The following RFX2 variants were observed in gnomAD, a reference collection of about 807,000 sequenced individuals.
RFX2 encodes regulatory factor X2.
In RFX2, 20 loss-of-function variants were observed where a neutral mutation model predicts 87.8. That is an observed-to-expected ratio of 0.23 (90% CI 0.16 to 0.33). The LOEUF (loss-of-function observed/expected upper bound fraction) is 0.33. RFX2 is among the 10% of genes least tolerant of loss of function. The pLI, the probability that RFX2 is intolerant of heterozygous loss-of-function variation, is 1.00. For synonymous variants in RFX2, 397 were observed against 431.3 expected (o/e 0.92, Z 0.98); for missense variants, 767 against 1,012.3 (o/e 0.76, Z 3.29).
chr19:6,016,763 A>C lies in RFX2; in HGVS notation c.598-492T>G, dbSNP rs545517296. ...ATGAATCCCTCATTTTCTTTTGCTT[A>C]TTGATTCTTTCATGTTTAGCCTGGT... On this transcript the variant is annotated intron_variant, in intron 6 of 17. Transcript: ENST00000303657. This position sits in a 1 kb window ranked among gnomAD's most constrained non-coding sequence, Gnocchi z 5.4. 6.6e-6 allele frequency among the ~76,000 whole-genome samples: 1 copy of C among 152,270 alleles called. No homozygotes were observed. The highest frequency in any genetic ancestry group is 2.1e-4 in the South Asian group (1 of 4,826).
At chr19:6,094,948 G>A (rs2087999876) in intron 1 of RFX2, among the ~76,000 whole-genome samples, 1 of 152,090 alleles carries the variant, frequency 6.6e-6, no homozygotes, top group Non-Finnish European at 1.5e-5. Context: ...CTAACATGGT[G>A]AAACCCCGTC....
intron 12 of RFX2, among the ~76,000 whole-genome samples, chr19:6,005,027 G>A (rs1171065969): frequency 2.0e-5 from 3 of 152,134 alleles, no homozygotes; most frequent in Admixed American, 6.5e-5. Flanking sequence ...GCTGAGGCAG[G>A]AGAATCACTT....
At chr19:6,092,572 G>T (rs1276862145) in intron 1 of RFX2, among the ~76,000 whole-genome samples, 1 of 152,232 alleles carries the variant, frequency 6.6e-6, no homozygotes, top group Non-Finnish European at 1.5e-5. Context: ...TGAGCTTGTG[G>T]CTGCGCAAAC....
intron 5 of RFX2, among the ~76,000 whole-genome samples, chr19:6,036,658 T>TA (rs34957831): frequency 6.6e-5 from 10 of 152,086 alleles, no homozygotes; most frequent in Admixed American, 5.9e-4. Context: ...CTTACATATG[T>TA]AAAAAAACGT....
intron 1 of RFX2, among the ~76,000 whole-genome samples, chr19:6,108,358 CCCT>C (rs1377450275): frequency 6.6e-6 from 1 of 152,118 alleles, no homozygotes; most frequent in Non-Finnish European, 1.5e-5. Context: ...ACAGATGCCC[CCCT>C]CCTCCTTATC....
rs1380705029 is a variant in RFX2 at position 6,026,442 on chromosome 19, G to A, written c.523-205C>T. 30 of 594,874 alleles carry A rather than the reference G, an allele frequency of 5.0e-5. No individual in the cohort carries two copies. Among genetic ancestry groups the A allele is most frequent in the South Asian group, 2.7e-4 (13 of 48,944 alleles). The allele number at this position is 594,874 out of a possible 1,614,324, so 36.8% of individuals were successfully genotyped here. ...AAGCTGCGGTAGGGAGTGTTGCTTC[G>A]CACACGTAGGTAAGCCCGAGAGCCC... On this transcript the variant is annotated intron_variant, in intron 5 of 17. Transcript: ENST00000303657. The surrounding 1 kb of genome is among the most constrained non-coding windows in gnomAD (Gnocchi z 4.5).
chr19:6,048,616 AC>A (rs1287101819), intron 1 of RFX2, among the ~76,000 whole-genome samples: 1 of 152,208 alleles, frequency 6.6e-6, no homozygotes, highest in Non-Finnish European at 1.5e-5. Context: ...CCTCAGACAT[AC>A]ATCGCGGTGC....
At position 6,051,482 on chromosome 19, in the gene RFX2, A is replaced by C. The variant is rs2087265447; in HGVS notation, c.-8-3978T>G. On this transcript the variant is annotated intron_variant, in intron 1 of 17. Transcript: ENST00000303657. ...AAATTGTGATAAATTAACAATGCAC[A>C]TTGTAACCTCTGAAGCATCCACTAA... Among the ~76,000 whole-genome samples, 2 of 152,202 alleles carry C rather than the reference A, an allele frequency of 1.3e-5. 1 individual carries two copies. The highest frequency in any genetic ancestry group is 4.1e-4 in the South Asian group (2 of 4,834).
intron 1 of RFX2, among the ~76,000 whole-genome samples, chr19:6,069,365 A>C (rs1159881765): frequency 6.6e-6 from 1 of 152,166 alleles, no homozygotes; most frequent in Non-Finnish European, 1.5e-5. Context: ...ATCAGTGTAT[A>C]GAGAACATGG....
Position 6,017,909 on chromosome 19 carries a change from T to C in RFX2, c.598-1638A>G, listed in dbSNP as rs2086752282. Among the ~76,000 whole-genome samples, 1 of 134,830 alleles carries C rather than the reference T, an allele frequency of 7.4e-6. No individual in the cohort carries two copies. The highest frequency in any genetic ancestry group is 7.6e-5 in the Admixed American group (1 of 13,148). The allele number at this position is 134,830 out of a possible 152,430, so 88.5% of individuals were successfully genotyped here. On this transcript the variant is annotated intron_variant, in intron 6 of 17. Transcript: ENST00000303657. The surrounding 1 kb of genome is among the most constrained non-coding windows in gnomAD (Gnocchi z 4.1). Reference sequence around the variant, plus strand: ...CCCCACTGTCACGTTTGCCTGTCTGTTTGCCCCATCCCCACCCCCCCAACT... The same window carrying C: ...CCCCACTGTCACGTTTGCCTGTCTGCTTGCCCCATCCCCACCCCCCCAACT...
chr19:6,044,424 G>T lies in RFX2; in HGVS notation c.91-142C>A. The T allele has an allele frequency of 2.0e-6, 1 of 497,696 alleles. No homozygotes were observed. The highest frequency in any genetic ancestry group is 3.4e-6 in the Non-Finnish European group (1 of 294,890). The allele number at this position is 497,696 out of a possible 1,614,324, so 30.8% of individuals were successfully genotyped here. A position where few individuals can be genotyped will look rare whatever the true frequency, so the allele number is the denominator to read the frequency against. The stretch of plus-strand genomic sequence containing the variant: ...GACTGATCAGAGGCGACGGCGGGGT[G>T]ATGGTCAGACTTGCACACTCACACC... On this transcript the variant is annotated intron_variant, in intron 2 of 17. Coordinates refer to ENST00000303657, the MANE Select transcript of RFX2 (RefSeq NM_000635.4). The surrounding 1 kb of genome is among the most constrained non-coding windows in gnomAD (Gnocchi z 5.3).
intron 5 of RFX2, among the ~76,000 whole-genome samples, chr19:6,037,158 C>T (rs1017357580): frequency 6.6e-6 from 1 of 151,982 alleles, no homozygotes; most frequent in Non-Finnish European, 1.5e-5. Flanking sequence ...GTGGCAGACA[C>T]CTGTAGTCCC....
chr19:6,099,115 T>C (rs1006235654), intron 1 of RFX2, among the ~76,000 whole-genome samples: 9 of 151,660 alleles, frequency 5.9e-5, no homozygotes, highest in African/African-American at 2.2e-4. Flanking sequence ...CTAATAGACA[T>C]AACAGCTCTA....
At chr19:6,075,881 A>C (rs1813237362) in intron 1 of RFX2, among the ~76,000 whole-genome samples, 1 of 152,236 alleles carries the variant, frequency 6.6e-6, no homozygotes, top group Non-Finnish European at 1.5e-5. Flanking sequence ...AAGCAGGTGT[A>C]GATAAAGCAG....
Position 5,994,643 on chromosome 19 carries a change from C to G in RFX2, c.*192G>C. ...AGAGCACAGCTACAGCCAGTGGGAG[C>G]CCTGGCCTGGGCTTCTGTAGCTTCA... On this transcript the variant is annotated 3_prime_UTR_variant, in exon 18 of 18. Coordinates refer to ENST00000303657, the MANE Select transcript of RFX2 (RefSeq NM_000635.4). 1 of 586,750 alleles carries G rather than the reference C, an allele frequency of 1.7e-6. No individual in the cohort carries two copies. The highest frequency in any genetic ancestry group is 3.1e-6 in the Non-Finnish European group (1 of 327,688). 36.3% of individuals were successfully genotyped at this position (586,750 alleles called of 1,614,324 possible).
rs1398858723 is a variant in RFX2 at position 6,047,837 on chromosome 19, A to G, written c.-8-333T>C. On this transcript the variant is annotated intron_variant, in intron 1 of 17. Transcript: ENST00000303657. The surrounding 1 kb of genome is among the most constrained non-coding windows in gnomAD (Gnocchi z 4.2). ...AGGTTGAACTATTTTGAAGGGCTCA[A>G]TTGTTTCCTCATTTACCCAGAAATC... Among the ~76,000 whole-genome samples the G allele has an allele frequency of 6.6e-6, 1 of 152,200 alleles. No individual in the cohort carries two copies. The highest frequency in any genetic ancestry group is 1.5e-5 in the Non-Finnish European group (1 of 68,034).
intron 1 of RFX2, among the ~76,000 whole-genome samples, chr19:6,069,968 C>A (rs1199608018): frequency 8.2e-6 from 1 of 122,584 alleles, no homozygotes; most frequent in East Asian, 2.3e-4. Context: ...GGGAGACTTG[C>A]AAGTGGATGT....
At chr19:6,031,338 A>T (rs1225171093) in intron 5 of RFX2, among the ~76,000 whole-genome samples, 1 of 152,070 alleles carries the variant, frequency 6.6e-6, no homozygotes, top group African/African-American at 2.4e-5. Context: ...TCAAGAGTTG[A>T]AATTTAATAA....
chr19:6,040,029 TCCATCC>T lies in RFX2; in HGVS notation c.467_472del (p.Gly156_Met157del). On this transcript the variant is annotated inframe_deletion, in exon 5 of 18. Transcript: ENST00000303657. The surrounding 1 kb of genome is among the most constrained non-coding windows in gnomAD (Gnocchi z 6.1). Reference sequence around the variant, plus strand: ...GTGGGCCAGGGAGTGTCTGGTGCTGTCCATCCCCCCGTGGATGAGATAGGCTCCCGC... The same window carrying T: ...GTGGGCCAGGGAGTGTCTGGTGCTGTCCCCGTGGATGAGATAGGCTCCCGC... 1.2e-6 allele frequency: 2 copies of T among 1,608,160 alleles called. No homozygotes were observed. Among genetic ancestry groups the T allele is most frequent in the Non-Finnish European group, 1.7e-6 (2 of 1,177,814 alleles).
Sources: allele counts gnomAD v4.1 joint callset (sites outside exome capture counted in the v4.1 genomes callset), GRCh38; gene constraint gnomAD v4.1.1; non-coding constraint Gnocchi (gnomAD v3.1); transcripts MANE v1.5; gene names NCBI Gene and HGNC (gene_info 2026-07-23, HGNC 2026-07-21).